Variants in ZNF600 observed in about 807,000 individuals in gnomAD.
ZNF600 encodes zinc finger protein KR-ZNF1.
Under a neutral mutation model 7.3 loss-of-function variants are expected in ZNF600, and 4 were observed. The observed-to-expected ratio is 0.55, with a 90% confidence interval of 0.27 to 1.25. The LOEUF is 1.25. Ranked by LOEUF, ZNF600 falls within the 50% of genes most tolerant of loss-of-function variation. The pLI, the probability that ZNF600 is intolerant of heterozygous loss-of-function variation, is 0.12. For synonymous variants in ZNF600, 290 were observed against 308.9 expected (o/e 0.94, Z 0.64); for missense variants, 911 against 922.1 (o/e 0.99, Z 0.16).
At chr19:52,830,795 G>T in the ZNF600 span, among the ~76,000 whole-genome samples, 2,884 of 148,936 alleles carry the variant, frequency 0.019, 97 homozygotes, top group African/African-American at 0.068. Flanking sequence ...ATCATGTGAG[G>T]CAAGGCCAGG....
chr19:52,821,932 TA>T, the ZNF600 span, among the ~76,000 whole-genome samples: 8 of 149,936 alleles, frequency 5.3e-5, no homozygotes, highest in Admixed American at 6.6e-5. Context: ...AAAAAAATAA[TA>T]AAAAAAAAAT....
the ZNF600 span, among the ~76,000 whole-genome samples, chr19:52,820,108 C>CTTT: frequency 9.1e-5 from 11 of 120,322 alleles, no homozygotes; most frequent in Non-Finnish European, 1.5e-4. Flanking sequence ...TATTTAACCT[C>CTTT]TTTTTTTTTT....
At chr19:52,823,461 C>A in the ZNF600 span, among the ~76,000 whole-genome samples, 1 of 152,128 alleles carries the variant, frequency 6.6e-6, no homozygotes, top group Admixed American at 6.5e-5. Flanking sequence ...AGTGATCCAC[C>A]CACCTTAGCC....
the ZNF600 span, among the ~76,000 whole-genome samples, chr19:52,812,597 TA>T: frequency 1.6e-5 from 2 of 128,520 alleles, no homozygotes; most frequent in Admixed American, 1.6e-4. Context: ...CACCACTCCC[TA>T]ATCTCAAGTA....
chr19:52,766,473 T>A, exon 4 of ZNF600: 1 of 1,614,150 alleles, frequency 6.2e-7, no homozygotes, highest in Non-Finnish European at 8.5e-7. Context: ...AATTAGAAGA[T>A]CTGAATTTTG....
chr19:52,782,555 T>C (rs1600398551), intron 1 of ZNF600, among the ~76,000 whole-genome samples: 1 of 149,134 alleles, frequency 6.7e-6, no homozygotes, highest in Non-Finnish European at 1.5e-5. Context: ...CAAAAATAAG[T>C]AAATTTAAAG....
the ZNF600 span, chr19:52,800,489 T>C: frequency 6.2e-7 from 1 of 1,613,702 alleles, no homozygotes; most frequent in Non-Finnish European, 8.5e-7. Context: ...GTGCAAGAGT[T>C]GATTGTTGAT....
intron 1 of ZNF600, among the ~76,000 whole-genome samples, chr19:52,782,447 C>A (rs1014411091): frequency 6.6e-6 from 1 of 151,848 alleles, no homozygotes; most frequent in Non-Finnish European, 1.5e-5. Context: ...CACTTGAACC[C>A]CAGAGGCGAA....
chr19:52,780,379 C>T (rs2062710388), intron 1 of ZNF600, among the ~76,000 whole-genome samples: 1 of 152,058 alleles, frequency 6.6e-6, no homozygotes. Flanking sequence ...TCACTTGCAG[C>T]TGAGGGGAAG....
chr19:52,822,933 C>T, the ZNF600 span, among the ~76,000 whole-genome samples: 2 of 152,112 alleles, frequency 1.3e-5, no homozygotes, highest in Non-Finnish European at 2.9e-5. Flanking sequence ...ACGTCAACTC[C>T]AAATGAAGGG....
chr19:52,766,178 G>C lies in ZNF600; in HGVS notation c.1785C>G (p.Tyr595Ter). Residue 595 changes from tyrosine to a stop codon, truncating the protein, a stop_gained, in exon 4 of 4, where the codon TAC becomes TAG. Transcript: ENST00000648973. LOFTEE classifies it low-confidence loss of function (END_TRUNC). ...AGGTCTTGCTGCACTCATTACACTT[G>C]TAAGGTTTCTCACCACTATGAACTC... 1 of 1,614,116 alleles carries C rather than the reference G, an allele frequency of 6.2e-7. No individual in the cohort carries two copies. Among genetic ancestry groups the C allele is most frequent in the Non-Finnish European group, 8.5e-7 (1 of 1,180,002 alleles).
chr19:52,791,220 G>T (rs530491869), upstream of ZNF600, among the ~76,000 whole-genome samples: 44 of 152,342 alleles, frequency 2.9e-4, no homozygotes, highest in Admixed American at 5.2e-4. Flanking sequence ...CTGTGCAGCA[G>T]CACTGACACC....
intron 3 of ZNF600, 117 bp downstream of exon 5, chr19:52,774,458 C>A (rs1010424757): frequency 1.6e-4 from 127 of 814,786 alleles, no homozygotes; most frequent in Admixed American, 8.0e-4. Context: ...AAAAAACAAC[C>A]AAAAAAAAAA....
At chr19:52,784,390 A>T (rs551939245) in intron 1 of ZNF600, among the ~76,000 whole-genome samples, 1 of 152,200 alleles carries the variant, frequency 6.6e-6, no homozygotes, top group Non-Finnish European at 1.5e-5. Flanking sequence ...TGGGTGACAG[A>T]GCCAGACCCT....
rs1027420053 is a variant in ZNF600 at position 52,770,020 on chromosome 19, C to T, written c.191-2248G>A. Among the ~76,000 whole-genome samples, 13 of 152,158 alleles carry T rather than the reference C, an allele frequency of 8.5e-5. 1 individual carries two copies. Among genetic ancestry groups the T allele is most frequent in the Admixed American group, 7.9e-4 (12 of 15,262 alleles). On this transcript the variant is annotated intron_variant, in intron 3 of 3. Transcript: ENST00000648973. ...ACAGCCTGCAGAATTCTAAACAATT[C>T]CCTCTTAAGAAAAAAGCCACAACAT... is the stretch of plus-strand genomic sequence containing the variant.
the ZNF600 span, among the ~76,000 whole-genome samples, chr19:52,817,762 C>G: frequency 6.6e-6 from 1 of 152,126 alleles, no homozygotes; most frequent in Admixed American, 6.5e-5. Context: ...CTCCCATGTT[C>G]ATGTCACTGG....
chr19:52,779,022 C>A, intron 1 of ZNF600, 115 bp from the exon 4 acceptor site: 1 of 905,494 alleles, frequency 1.1e-6, no homozygotes, highest in Non-Finnish European at 1.6e-6. Flanking sequence ...CCACCGCCCA[C>A]TGCACCAGAG....
chr19:52,809,406 A>G, the ZNF600 span, among the ~76,000 whole-genome samples: 1 of 152,256 alleles, frequency 6.6e-6, no homozygotes, highest in East Asian at 1.9e-4. Flanking sequence ...ATTCACAACT[A>G]GCAGGATGAA....
intron 1 of ZNF600, among the ~76,000 whole-genome samples, chr19:52,779,302 C>T (rs773088014): frequency 6.6e-6 from 1 of 152,228 alleles, no homozygotes; most frequent in Non-Finnish European, 1.5e-5. Flanking sequence ...ATGACAAGCA[C>T]CTGCGCCACT....
Sources: allele counts gnomAD v4.1 joint callset (sites outside exome capture counted in the v4.1 genomes callset), GRCh38; gene constraint gnomAD v4.1.1; transcripts MANE v1.5; gene names NCBI Gene and HGNC (gene_info 2026-07-23, HGNC 2026-07-21).